GORASP2: variants seen among roughly 807,000 people sequenced by gnomAD.
The protein encoded by GORASP2 is golgi reassembly stacking protein 2.
In GORASP2, 22 loss-of-function variants were observed where a neutral mutation model predicts 45.7. That is an observed-to-expected ratio of 0.48 (90% CI 0.34 to 0.69). The LOEUF (loss-of-function observed/expected upper bound fraction) is 0.69. GORASP2 is among the 30% of genes least tolerant of loss of function. GORASP2 has a pLI of 0.01. For synonymous variants in GORASP2, 221 were observed against 215.6 expected, an observed-to-expected ratio of 1.02 and a Z score of -0.22; for missense variants, 491 against 562.7, an observed-to-expected ratio of 0.87 and a Z score of 1.29.
intron 5 of GORASP2, 41 bp downstream of exon 5, chr2:170,951,499 T>TA (rs932822668): frequency 6.9e-7 from 1 of 1,457,118 alleles, no homozygotes; most frequent in Non-Finnish European, 9.4e-7. Flanking sequence ...TGCTTAAACA[T>TA]ACCAGTCAGA....
upstream of GORASP2, chr2:170,929,129 C>T: frequency 2.5e-6 from 1 of 405,186 alleles, no homozygotes; most frequent in Non-Finnish European, 4.3e-6. Context: ...GCGCTCGGGC[C>T]CCTTCCAGTG....
At chr2:170,957,608 A>C (rs572092836) in intron 7 of GORASP2, among the ~76,000 whole-genome samples, 66 of 152,200 alleles carry the variant, frequency 4.3e-4, no homozygotes, top group Non-Finnish European at 8.2e-4. Flanking sequence ...GTTCTACCTG[A>C]TATAGTCCTT....
chr2:170,947,323 G>A (rs963700564), intron 1 of GORASP2, among the ~76,000 whole-genome samples: 4 of 152,166 alleles, frequency 2.6e-5, no homozygotes, highest in African/African-American at 7.2e-5. Flanking sequence ...CGCATGCTGT[G>A]ATCCTCATTC....
intron 5 of GORASP2, among the ~76,000 whole-genome samples, chr2:170,953,650 G>A (rs1244766640): frequency 1.3e-5 from 2 of 152,126 alleles, no homozygotes; most frequent in African/African-American, 2.4e-5. Flanking sequence ...GGGGTTTTGG[G>A]TTCAAATGGT....
intron 1 of GORASP2, among the ~76,000 whole-genome samples, chr2:170,944,952 T>G (rs1327854043): frequency 2.0e-5 from 3 of 152,170 alleles, no homozygotes; most frequent in African/African-American, 7.2e-5. Flanking sequence ...GCCTTTCACA[T>G]CTAATTGATA....
At chr2:170,929,501 G>A (rs1025191300) in intron 1 of GORASP2, 98 bp downstream of exon 1, 39 of 1,000,548 alleles carry the variant, frequency 3.9e-5, no homozygotes, top group Middle Eastern at 3.4e-4. Flanking sequence ...GGGCAGCCAG[G>A]CCCGATCCCG....
chr2:170,940,614 T>G (rs1345235885), intron 1 of GORASP2, among the ~76,000 whole-genome samples: 1 of 150,924 alleles, frequency 6.6e-6, no homozygotes, highest in Admixed American at 6.6e-5. Context: ...GGATCAGAAG[T>G]GGAGGGAAAA....
rs747783789 is a variant in GORASP2 at position 170,954,807 on chromosome 2, A to G, written c.699+25A>G. 6 of 1,591,230 alleles carry G rather than the reference A, an allele frequency of 3.8e-6. No individual in the cohort carries two copies. In the African/African-American group the frequency reaches 6.7e-5, roughly 18 times the overall value. On this transcript the variant is annotated intron_variant, in intron 6 of 9. Coordinates refer to ENST00000234160, the MANE Select transcript of GORASP2 (RefSeq NM_015530.5). ...GGTAAGATCACGTTCCTACCTGAGT[A>G]TATCATAAAGTTTTTACCAAAACGA... is the stretch of plus-strand genomic sequence containing the variant.
At position 170,966,541 on chromosome 2, in the gene GORASP2, T is replaced by C. The variant is rs1221683475; in HGVS notation, c.*411T>C. 1 of 220,924 alleles carries C rather than the reference T, an allele frequency of 4.5e-6. No homozygotes were observed. The highest frequency in any genetic ancestry group is 6.5e-5 in the South Asian group (1 of 15,396). The allele number at this position is 220,924 out of a possible 1,614,324, so 13.7% of individuals were successfully genotyped here. ...CATTTCTTGTACTTTGTAAGTCGTT[T>C]GCGAGAATGCAGACCACCTCACTAA... On this transcript the variant is annotated 3_prime_UTR_variant, in exon 10 of 10. Transcript: ENST00000234160.
At chr2:170,955,812 C>T (rs1222555689) in intron 6 of GORASP2, among the ~76,000 whole-genome samples, 1 of 152,206 alleles carries the variant, frequency 6.6e-6, no homozygotes, top group African/African-American at 2.4e-5. Context: ...GGCCAGAATA[C>T]AGGTTGTCTC....
intron 1 of GORASP2, among the ~76,000 whole-genome samples, chr2:170,942,267 A>G (rs558881569): frequency 1.3e-5 from 2 of 152,296 alleles, no homozygotes; most frequent in East Asian, 1.9e-4. Context: ...TAAAGTATAC[A>G]GTTTGGTGGG....
In GORASP2 at chr2:170,966,728, G is replaced by A. The variant is rs886800162; in HGVS notation, c.*598G>A. ...GCCTATACGCGGATCCTTGTTTTGA[G>A]CTCTCAGAATCACTCAGACAACATT... On this transcript the variant is annotated 3_prime_UTR_variant, in exon 10 of 10. Coordinates refer to ENST00000234160, the MANE Select transcript of GORASP2 (RefSeq NM_015530.5). The A allele has an allele frequency of 6.5e-6, 1 of 154,336 alleles. No homozygotes were observed. Among genetic ancestry groups the A allele is most frequent in the African/African-American group, 2.4e-5 (1 of 41,424 alleles). 9.6% of individuals were successfully genotyped at this position (154,336 alleles called of 1,614,324 possible).
chr2:170,964,579 G>A (rs564948053), intron 9 of GORASP2, among the ~76,000 whole-genome samples: 1 of 152,254 alleles, frequency 6.6e-6, no homozygotes, highest in African/African-American at 2.4e-5. Context: ...CTTGAACCCA[G>A]GAGGCGGAGG....
At chr2:170,939,633 TATG>T (rs1044022555) in intron 1 of GORASP2, among the ~76,000 whole-genome samples, 2 of 152,210 alleles carry the variant, frequency 1.3e-5, no homozygotes, top group African/African-American at 2.4e-5. Flanking sequence ...AATTAAGCTT[TATG>T]ATAAGTGTTT....
intron 1 of GORASP2, among the ~76,000 whole-genome samples, chr2:170,942,623 G>A (rs566713595): frequency 6.6e-6 from 1 of 152,252 alleles, no homozygotes; most frequent in South Asian, 2.1e-4. Flanking sequence ...CATTTGGGCT[G>A]TTTCTACGTT....
chr2:170,965,925 C>T lies in GORASP2; in HGVS notation c.1154C>T (p.Ser385Phe). The T allele has an allele frequency of 1.2e-6, 2 of 1,613,912 alleles. No homozygotes were observed. Among genetic ancestry groups the T allele is most frequent in the Non-Finnish European group, 1.7e-6 (2 of 1,179,856 alleles). Residue 385 changes from serine to phenylalanine, a missense_variant, in exon 10 of 10, where the codon TCT (serine) becomes TTT (phenylalanine). Ser to Phe is a radical substitution (Grantham distance 155, BLOSUM62 -2). Coordinates refer to ENST00000234160, the MANE Select transcript of GORASP2 (RefSeq NM_015530.5). ...SSAASSGELLSSLPPTSNAPS... is the reference protein window; with the variant it reads ...SSAASSGELLFSLPPTSNAPS... ...GCAGCAAGCTCAGGAGAGCTGCTGT[C>T]TTCCCTCCCGCCCACCAGCAACGCA...
chr2:170,964,892 ATTTTTTTT>A (rs1199571345), intron 9 of GORASP2, among the ~76,000 whole-genome samples: 9 of 64,702 alleles, frequency 1.4e-4, no homozygotes, highest in Non-Finnish European at 1.6e-4. Flanking sequence ...ATGCATTTTA[ATTTTTTTT>A]TTTTTTTTTT....
rs551328174 is a variant in GORASP2 at position 170,937,789 on chromosome 2, G to C, written c.63+8386G>C. On this transcript the variant is annotated intron_variant, in intron 1 of 9. Transcript: ENST00000234160. ...AAGCCAGGAGTTTGAGACCAGCCTA[G>C]ACAGTAAAGTGAGATCCTGTCTCTA... Among the ~76,000 whole-genome samples the C allele has an allele frequency of 2.0e-5, 3 of 152,256 alleles. No individual in the cohort carries two copies. In the South Asian group the frequency reaches 6.2e-4, roughly 32 times the overall value.
rs1402688059 is a variant in GORASP2, at chr2:170,951,541, A to T, written c.566+83A>T. 3 of 1,101,658 alleles carry T rather than the reference A, an allele frequency of 2.7e-6. No individual in the cohort carries two copies. The East Asian group carries it at 7.5e-5, about 27-fold the overall frequency. 68.2% of individuals were successfully genotyped at this position (1,101,658 alleles called of 1,614,324 possible). A position where few individuals can be genotyped will look rare whatever the true frequency, so the allele number is the denominator to read the frequency against. On this transcript the variant is annotated intron_variant, in intron 5 of 9. Coordinates refer to ENST00000234160, the MANE Select transcript of GORASP2 (RefSeq NM_015530.5). ...GCAGACATTGATTGTTTTTATTTTG[A>T]AAGAAATTACTGGTTTATTTTAAGA... is the stretch of plus-strand genomic sequence containing the variant.
Sources: allele counts gnomAD v4.1 joint callset (sites outside exome capture counted in the v4.1 genomes callset), GRCh38; gene constraint gnomAD v4.1.1; transcripts MANE v1.5; gene names NCBI Gene and HGNC (gene_info 2026-07-23, HGNC 2026-07-21).